TRIO: variants seen among roughly 807,000 people sequenced by gnomAD.
TRIO encodes the protein trio Rho guanine nucleotide exchange factor.
In TRIO, 58 loss-of-function variants were observed where a neutral mutation model predicts 351.9. The observed-to-expected ratio is 0.16, with a 90% CI of 0.13 to 0.21. TRIO has a LOEUF of 0.21. Ranked by LOEUF, TRIO falls within the 10% of genes least tolerant of loss-of-function variation. The probability of loss-of-function intolerance (pLI) is 1.00; values close to 1 mark genes in which losing one functional copy is unlikely to be tolerated. For missense variants in TRIO, 3,201 were observed against 4,027.8 expected, an observed-to-expected ratio of 0.79 and a Z score of 5.56; for synonymous variants, 1,758 against 1,595.7, an observed-to-expected ratio of 1.10 and a Z score of -2.42.
intron 28 of TRIO, among the ~76,000 whole-genome samples, chr5:14,396,750 A>G (rs1037186648): frequency 2.0e-5 from 3 of 151,856 alleles, no homozygotes; most frequent in South Asian, 2.1e-4. Flanking sequence ...GATTACAGGC[A>G]TGAGCCACCA....
At chr5:14,457,075 A>C (rs1240563672) in intron 34 of TRIO, among the ~76,000 whole-genome samples, 1 of 152,218 alleles carries the variant, frequency 6.6e-6, no homozygotes, top group African/African-American at 2.4e-5. Context: ...AGAATTGAGC[A>C]TTCTTGTTAA....
At chr5:14,149,662 G>A (rs1407962388) in intron 1 of TRIO, among the ~76,000 whole-genome samples, 1 of 152,200 alleles carries the variant, frequency 6.6e-6, no homozygotes, top group Non-Finnish European at 1.5e-5. Context: ...TCGTTTTGGT[G>A]ATGAACATAC....
Position 14,471,475 on chromosome 5 carries a change from G to A in TRIO, c.5912+9G>A. 1.2e-6 allele frequency: 2 copies of A among 1,613,870 alleles called. No individual in the cohort carries two copies. Among genetic ancestry groups the A allele is most frequent in the Non-Finnish European group, 1.7e-6 (2 of 1,179,902 alleles). On this transcript the variant is annotated intron_variant, in intron 38 of 56. Coordinates refer to ENST00000344204, the MANE Select transcript of TRIO (RefSeq NM_007118.4). ...TCTTTAAAGAGAAGACAGTAAGACA[G>A]AAATGTTTTCATTCTTATTGTTCTC...
rs373995287 is a variant in TRIO, at chr5:14,365,876, A to G, written c.2755-984A>G. Among the ~76,000 whole-genome samples the G allele has an allele frequency of 6.8e-4, 103 of 152,262 alleles. 1 individual carries two copies. The East Asian group carries it at 0.013, about 19-fold the overall frequency. Reference sequence around the variant, plus strand: ...TCCAGCCATCACCTCCATATCCCAAATTATCAGGAAGGGGAACGCATAATG... The same window carrying G: ...TCCAGCCATCACCTCCATATCCCAAGTTATCAGGAAGGGGAACGCATAATG... On this transcript the variant is annotated intron_variant, in intron 15 of 56. Coordinates refer to ENST00000344204, the MANE Select transcript of TRIO (RefSeq NM_007118.4).
intron 3 of TRIO, 26 bp downstream of exon 3, chr5:14,280,462 T>G: frequency 6.3e-7 from 1 of 1,578,958 alleles, no homozygotes; most frequent in Non-Finnish European, 8.7e-7. Flanking sequence ...CTTGTGCTTG[T>G]CACTGATGTC....
intron 1 of TRIO, among the ~76,000 whole-genome samples, chr5:14,225,180 T>G (rs1792913724): frequency 1.3e-5 from 2 of 152,160 alleles, no homozygotes; most frequent in Admixed American, 6.5e-5. Context: ...TCAGAAACAT[T>G]AATTGTCTGT....
intron 1 of TRIO, among the ~76,000 whole-genome samples, chr5:14,182,330 G>A (rs751635109): frequency 6.6e-5 from 10 of 152,146 alleles, no homozygotes; most frequent in Non-Finnish European, 1.0e-4. Flanking sequence ...AAAGCATCTT[G>A]GTTCCCTGGA....
chr5:14,145,178 C>T (rs1161560423), intron 1 of TRIO, among the ~76,000 whole-genome samples: 4 of 152,206 alleles, frequency 2.6e-5, no homozygotes, highest in Admixed American at 2.6e-4. Context: ...AAAATCACCT[C>T]CCCAGATTCG....
At chr5:14,331,372 C>T (rs902911696) in intron 10 of TRIO, among the ~76,000 whole-genome samples, 4 of 152,096 alleles carry the variant, frequency 2.6e-5, no homozygotes, top group African/African-American at 9.7e-5. Flanking sequence ...AGTCGCTTAA[C>T]CTTTCTAAGG....
At chr5:14,409,226 C>G (rs1031911964) in intron 33 of TRIO, among the ~76,000 whole-genome samples, 4 of 152,148 alleles carry the variant, frequency 2.6e-5, no homozygotes, top group African/African-American at 9.7e-5. Context: ...AAATAAGTCT[C>G]TATCCTGGAG....
intron 30 of TRIO, among the ~76,000 whole-genome samples, 166 bp from the exon 31 acceptor site, chr5:14,400,797 A>G (rs1208481451): frequency 2.6e-5 from 4 of 152,210 alleles, no homozygotes; most frequent in African/African-American, 4.8e-5. Context: ...CCTGTAGCCT[A>G]AGAACACAAT....
intron 1 of TRIO, among the ~76,000 whole-genome samples, chr5:14,145,225 A>G (rs1163940878): frequency 6.6e-6 from 1 of 152,186 alleles, no homozygotes; most frequent in Non-Finnish European, 1.5e-5. Flanking sequence ...ACGAGGAGCA[A>G]TTGCAGCGGG....
intron 1 of TRIO, among the ~76,000 whole-genome samples, chr5:14,209,003 G>A (rs750063179): frequency 4.6e-5 from 7 of 152,314 alleles, no homozygotes; most frequent in South Asian, 2.1e-4. Context: ...ATTACAGTCC[G>A]TGTAAAATGG....
At chr5:14,170,845 A>G (rs1389195823) in intron 1 of TRIO, among the ~76,000 whole-genome samples, 1 of 152,220 alleles carries the variant, frequency 6.6e-6, no homozygotes, top group African/African-American at 2.4e-5. Context: ...TATTACATCT[A>G]GGGAACTATC....
chr5:14,438,821 C>T (rs60369256), intron 34 of TRIO, among the ~76,000 whole-genome samples: 7,481 of 152,308 alleles, frequency 0.049, 588 homozygotes, highest in African/African-American at 0.17. Flanking sequence ...CTCAGGTTGT[C>T]GCCCTTCAGG....
At chr5:14,328,531 G>C (rs1740616585) in intron 9 of TRIO, among the ~76,000 whole-genome samples, 1 of 152,192 alleles carries the variant, frequency 6.6e-6, no homozygotes, top group South Asian at 2.1e-4. Context: ...TTAAAACAAT[G>C]GACTCAATAC....
intron 11 of TRIO, among the ~76,000 whole-genome samples, chr5:14,355,622 TG>T (rs1743552332): frequency 6.6e-6 from 1 of 152,250 alleles, no homozygotes; most frequent in African/African-American, 2.4e-5. Flanking sequence ...CAACTTGGAA[TG>T]TTTTTCATGG....
rs185854509 is a variant in TRIO at position 14,442,564 on chromosome 5, C to T, written c.5204-18455C>T. 1.1e-4 allele frequency among the ~76,000 whole-genome samples: 16 copies of T among 152,214 alleles called. 1 individual carries two copies. In the East Asian group the frequency reaches 1.2e-3, roughly 11 times the overall value. On this transcript the variant is annotated intron_variant, in intron 34 of 56. Transcript: ENST00000344204. Reference sequence around the variant, plus strand: ...CAATAATACTCCTTGTATTTTTGTTCACAAAACCTTTAAAAAGTCTTTGAC... The same window carrying T: ...CAATAATACTCCTTGTATTTTTGTTTACAAAACCTTTAAAAAGTCTTTGAC...
chr5:14,491,143 G>A (rs193195172), intron 48 of TRIO, among the ~76,000 whole-genome samples: 21 of 152,334 alleles, frequency 1.4e-4, no homozygotes, highest in Non-Finnish European at 2.5e-4. Context: ...CCCAGTGGCT[G>A]GCTTGTTGGC....
Sources: gnomAD v4.1 joint callset for allele counts (sites outside exome capture counted in the v4.1 genomes callset) on GRCh38, gnomAD v4.1.1 for gene constraint, MANE v1.5 for transcripts, NCBI Gene and HGNC (gene_info 2026-07-23, HGNC 2026-07-21) for gene names.